PCDHGA1: variants seen among roughly 807,000 people sequenced by gnomAD.
PCDHGA1 encodes protocadherin gamma-A1.
PCDHGA1 carries 32 observed loss-of-function variants against 58.0 expected under a neutral mutation model. That is an observed-to-expected ratio of 0.55 (90% CI 0.42 to 0.74). The LOEUF (loss-of-function observed/expected upper bound fraction) is 0.74, where lower values mean the gene tolerates loss of function less well. Among genes scored for constraint, PCDHGA1 ranks in the 30% least tolerant of loss-of-function variants. The pLI, the probability that PCDHGA1 is intolerant of heterozygous loss-of-function variation, is 0.00. For missense variants in PCDHGA1, 1,205 were observed against 1,182.3 expected, an observed-to-expected ratio of 1.02 and a Z score of -0.28; for synonymous variants, 498 against 501.1, an observed-to-expected ratio of 0.99 and a Z score of 0.08.
At chr5:141,483,816 A>G (rs2099587505) in intron 1 of PCDHGA1, among the ~76,000 whole-genome samples, 1 of 152,172 alleles carries the variant, frequency 6.6e-6, no homozygotes, top group Admixed American at 6.5e-5. Context: ...TTTGGCAGCC[A>G]GTGTAACCTA....
rs1211398299 is a variant in PCDHGA1 at position 141,420,143 on chromosome 5, A to G, written c.2422-74664A>G. The G allele has an allele frequency of 1.2e-6, 2 of 1,614,052 alleles. No homozygotes were observed. The highest frequency in any genetic ancestry group is 2.2e-5 in the East Asian group (1 of 44,888). On this transcript the variant is annotated intron_variant, in intron 1 of 3. Transcript: ENST00000517417. The stretch of plus-strand genomic sequence containing the variant: ...TTTTTGTGTGCCTGGGGATCAAATG[A>G]ATCCAGAATTTAATTTTTTCACATC...
chr5:141,399,495 T>C, intron 1 of PCDHGA1: 1 of 1,614,034 alleles, frequency 6.2e-7, no homozygotes, highest in Non-Finnish European at 8.5e-7. Context: ...ACTTAGTCAG[T>C]GTACCCGAAA....
chr5:141,366,210 G>T (rs374658125), intron 1 of PCDHGA1: 73 of 1,613,682 alleles, frequency 4.5e-5, no homozygotes, highest in Non-Finnish European at 6.2e-5. Context: ...GGCGAGGTGC[G>T]CACAGCGCGA....
At chr5:141,384,943 G>T in intron 1 of PCDHGA1, 1 of 1,613,996 alleles carries the variant, frequency 6.2e-7, no homozygotes, top group Non-Finnish European at 8.5e-7. Flanking sequence ...TGAGCCCTCC[G>T]ACGGTCCTTA....
At chr5:141,481,718 C>T (rs942120251) in intron 1 of PCDHGA1, among the ~76,000 whole-genome samples, 6 of 152,082 alleles carry the variant, frequency 3.9e-5, no homozygotes, top group East Asian at 1.9e-4. Context: ...CTTTGGGAGG[C>T]GGAGGCGGGC....
intron 1 of PCDHGA1, chr5:141,404,392 T>C (rs759142051): frequency 3.1e-6 from 5 of 1,613,820 alleles, no homozygotes; most frequent in African/African-American, 1.3e-5. Flanking sequence ...ATGACCCTGA[T>C]AGCAATGAGA....
At chr5:141,372,376 AC>A (rs1371288225) in intron 1 of PCDHGA1, 1 of 1,613,960 alleles carries the variant, frequency 6.2e-7, no homozygotes, top group Admixed American at 1.7e-5. Flanking sequence ...GTCATGCTGC[AC>A]CTAATCTTCG....
rs1219684339 is a variant in PCDHGA1, at chr5:141,506,444, CAA to C, written c.2569+983_2569+984del. Among the ~76,000 whole-genome samples the C allele has an allele frequency of 5.9e-3, 564 of 95,004 alleles. 2 individuals carry two copies. The highest frequency in any genetic ancestry group is 0.013 in the African/African-American group (317 of 25,186). 62.3% of individuals were successfully genotyped at this position (95,004 alleles called of 152,430 possible). Reference sequence around the variant, plus strand: ...CCTGGGCAACAGTCTCGCTCTGTCTCAAAAAAAAAAAAAAAAAAAAAGAGCAC... The same window carrying C: ...CCTGGGCAACAGTCTCGCTCTGTCTCAAAAAAAAAAAAAAAAAAAGAGCAC... On this transcript the variant is annotated intron_variant, in intron 3 of 3. Transcript: ENST00000517417.
chr5:141,414,251 C>T, intron 1 of PCDHGA1: 3 of 1,613,346 alleles, frequency 1.9e-6, no homozygotes, highest in Non-Finnish European at 2.5e-6. Context: ...CTATTTAGTC[C>T]AGTGACTGAA....
chr5:141,404,183 G>T lies in PCDHGA1; in HGVS notation c.2421+71078G>T, dbSNP rs759576056. ...CAGATTGTTGACGGCCCAAATTCTT[G>T]ACCGAGAAAAAGCCTCAGAATATAA... On this transcript the variant is annotated intron_variant, in intron 1 of 3. Coordinates refer to ENST00000517417, the MANE Select transcript of PCDHGA1 (RefSeq NM_018912.3). 2.5e-6 allele frequency: 4 copies of T among 1,613,154 alleles called. No individual in the cohort carries two copies. In the South Asian group the frequency reaches 4.4e-5, roughly 18 times the overall value.
At chr5:141,356,611 A>C (rs1425598072) in intron 1 of PCDHGA1, 4 of 1,614,158 alleles carry the variant, frequency 2.5e-6, no homozygotes, top group Non-Finnish European at 3.4e-6. Context: ...AGGAGCCTCC[A>C]TCTTATCTAT....
intron 1 of PCDHGA1, chr5:141,374,279 A>G: frequency 6.2e-7 from 1 of 1,614,000 alleles, no homozygotes; most frequent in Non-Finnish European, 8.5e-7. Context: ...CGGAGTCCGC[A>G]TCGTCTCCAG....
intron 1 of PCDHGA1, among the ~76,000 whole-genome samples, chr5:141,460,508 G>C (rs1390313220): frequency 6.6e-6 from 1 of 152,040 alleles, no homozygotes; most frequent in East Asian, 1.9e-4. Context: ...TGCTGAGAAG[G>C]CTATCTTTTC....
chr5:141,350,958 A>C (rs777439869), intron 1 of PCDHGA1: 1 of 1,614,096 alleles, frequency 6.2e-7, no homozygotes, highest in Non-Finnish European at 8.5e-7. Context: ...ACGGATGCCA[A>C]TGATAATGCT....
chr5:141,395,053 A>T (rs1210765378), intron 1 of PCDHGA1: 1 of 1,614,062 alleles, frequency 6.2e-7, no homozygotes, highest in East Asian at 2.2e-5. Context: ...GAGGAGGTAC[A>T]GGCTTTCCTG....
chr5:141,338,761 A>G (rs775800386), intron 1 of PCDHGA1: 11 of 1,247,754 alleles, frequency 8.8e-6, no homozygotes, highest in Non-Finnish European at 1.1e-5. Flanking sequence ...GAGACATCCA[A>G]TCCAGCAATA....
intron 1 of PCDHGA1, among the ~76,000 whole-genome samples, chr5:141,467,109 A>G (rs1431550069): frequency 2.0e-5 from 3 of 150,594 alleles, no homozygotes; most frequent in African/African-American, 4.9e-5. Context: ...CTGGAGTACA[A>G]TGGTGCAATC....
chr5:141,432,287 G>T lies in PCDHGA1; in HGVS notation c.2422-62520G>T. 1 of 1,614,216 alleles carries T rather than the reference G, an allele frequency of 6.2e-7. No individual in the cohort carries two copies. The highest frequency in any genetic ancestry group is 8.5e-7 in the Non-Finnish European group (1 of 1,180,030). On this transcript the variant is annotated intron_variant, in intron 1 of 3. Coordinates refer to ENST00000517417, the MANE Select transcript of PCDHGA1 (RefSeq NM_018912.3). This position sits in a 1 kb window ranked among gnomAD's most constrained non-coding sequence, Gnocchi z 6.0. ...ATCGTCCTACGTGTCCATCAACTCC[G>T]ACACTGGGGTACTGTATGCGCTGAG...
At chr5:141,350,651 G>A (rs1261429657) in intron 1 of PCDHGA1, 4 of 1,613,914 alleles carry the variant, frequency 2.5e-6, no homozygotes, top group East Asian at 4.5e-5. Context: ...ACCACGTTTC[G>A]TTGCAAAAGG....
Sources: gnomAD v4.1 joint callset for allele counts (sites outside exome capture counted in the v4.1 genomes callset) on GRCh38, gnomAD v4.1.1 for gene constraint, Gnocchi (gnomAD v3.1) non-coding constraint, MANE v1.5 for transcripts, NCBI Gene and HGNC (gene_info 2026-07-23, HGNC 2026-07-21) for gene names.